The following NEGR1 variants were observed in gnomAD, a reference collection of about 807,000 sequenced individuals.
NEGR1 encodes IgLON family member 4.
A neutral mutation model predicts 40.9 loss-of-function variants in NEGR1; 10 were observed. The observed-to-expected ratio is 0.24, with a 90% CI of 0.15 to 0.42. The LOEUF is 0.42. NEGR1 is among the 10% of genes least tolerant of loss of function. The pLI is 1.00. For missense variants in NEGR1, 352 were observed against 438.9 expected (o/e 0.80, Z 1.77); for synonymous variants, 185 against 166.8 (o/e 1.11, Z -0.84).
chr1:71,735,596 A>G (rs959048307), intron 3 of NEGR1, among the ~76,000 whole-genome samples: 1 of 152,066 alleles, frequency 6.6e-6, no homozygotes, highest in Non-Finnish European at 1.5e-5. Context: ...GCAAGATTCT[A>G]GTAGCTATGA....
At chr1:72,075,590 C>T (rs112604044) in intron 1 of NEGR1, among the ~76,000 whole-genome samples, 3,636 of 152,246 alleles carry the variant, frequency 0.024, 76 homozygotes, top group Non-Finnish European at 0.04. Flanking sequence ...TAATTTTCAT[C>T]CAAGTTTTTA....
chr1:71,593,083 G>T, intron 5 of NEGR1, 115 bp from the exon 6 acceptor site: 1 of 625,840 alleles, frequency 1.6e-6, no homozygotes, highest in Admixed American at 2.7e-5. Context: ...GCTGACGTTA[G>T]CATATAACGT....
chr1:72,072,673 T>C (rs543749967), intron 1 of NEGR1, among the ~76,000 whole-genome samples: 1 of 152,266 alleles, frequency 6.6e-6, no homozygotes, highest in South Asian at 2.1e-4. Flanking sequence ...ATCTGGGCTC[T>C]CTGTGTAACA....
At chr1:72,123,647 C>A (rs1271562104) in intron 1 of NEGR1, among the ~76,000 whole-genome samples, 1 of 151,706 alleles carries the variant, frequency 6.6e-6, no homozygotes, top group Non-Finnish European at 1.5e-5. Flanking sequence ...GAGGACATGT[C>A]ATAGGTAAAG....
chr1:71,927,781 T>G lies in NEGR1; in HGVS notation c.409+7298A>C, dbSNP rs531326588. 7.1e-5 allele frequency among the ~76,000 whole-genome samples: 9 copies of G among 127,292 alleles called. No homozygotes were observed. The East Asian group carries it at 2.1e-3, about 30-fold the overall frequency. The allele number at this position is 127,292 out of a possible 152,430, so 83.5% of individuals were successfully genotyped here. On this transcript the variant is annotated intron_variant, in intron 2 of 6. Coordinates refer to ENST00000357731, the MANE Select transcript of NEGR1 (RefSeq NM_173808.3). ...GGTAGATCGCCTGAGCCCAGGCGTT[T>G]GAGACCAGCATGGGCAACATGGCAA...
At chr1:71,549,965 G>C (rs1257859714) in intron 6 of NEGR1, among the ~76,000 whole-genome samples, 1 of 151,614 alleles carries the variant, frequency 6.6e-6, no homozygotes, top group East Asian at 2.0e-4. Context: ...CCAGGATCTG[G>C]AGTGCACACT....
chr1:72,113,386 T>C (rs1374228750), intron 1 of NEGR1, among the ~76,000 whole-genome samples: 1 of 151,604 alleles, frequency 6.6e-6, no homozygotes, highest in Non-Finnish European at 1.5e-5. Flanking sequence ...GATTGTATTA[T>C]AGCTGTTATC....
chr1:72,220,648 T>C (rs1301410378), intron 1 of NEGR1, among the ~76,000 whole-genome samples: 1 of 146,738 alleles, frequency 6.8e-6, no homozygotes, highest in African/African-American at 2.4e-5. Flanking sequence ...TTCAAATTTT[T>C]CAACATTCCT....
chr1:71,792,720 T>C (rs1657161876), intron 2 of NEGR1, among the ~76,000 whole-genome samples: 1 of 152,120 alleles, frequency 6.6e-6, no homozygotes, highest in South Asian at 2.1e-4. Flanking sequence ...GATTTTAATA[T>C]CAAACTGTTT....
rs539610250 is a variant in NEGR1 at position 71,947,554 on chromosome 1, A to C, written c.177-12243T>G. Among the ~76,000 whole-genome samples the C allele has an allele frequency of 2.0e-5, 3 of 152,326 alleles. No homozygotes were observed. In the South Asian group the frequency reaches 6.2e-4, roughly 32 times the overall value. Reference sequence around the variant, plus strand: ...TAGATGTATAGAAAGCAAGTTGTAAACCACCTCTATTGCAAAAGAATTTAG... The same window carrying C: ...TAGATGTATAGAAAGCAAGTTGTAACCCACCTCTATTGCAAAAGAATTTAG... On this transcript the variant is annotated intron_variant, in intron 1 of 6. Coordinates refer to ENST00000357731, the MANE Select transcript of NEGR1 (RefSeq NM_173808.3).
At chr1:71,657,685 G>A (rs77793797) in intron 4 of NEGR1, among the ~76,000 whole-genome samples, 4,326 of 152,148 alleles carry the variant, frequency 0.028, 165 homozygotes, top group African/African-American at 0.09. Flanking sequence ...GGCTGGGGAC[G>A]CTAGCCATGA....
At chr1:72,194,249 G>T (rs1652922884) in intron 1 of NEGR1, among the ~76,000 whole-genome samples, 1 of 151,780 alleles carries the variant, frequency 6.6e-6, no homozygotes, top group South Asian at 2.1e-4. Flanking sequence ...CTCTCAGAAT[G>T]ATAAAGGGAA....
chr1:71,996,104 G>T (rs1407067627), intron 1 of NEGR1, among the ~76,000 whole-genome samples: 1 of 152,072 alleles, frequency 6.6e-6, no homozygotes. Context: ...AGTATTTTCT[G>T]TGTAGCCCCT....
chr1:71,414,634 A>G (rs923414182), intron 6 of NEGR1, among the ~76,000 whole-genome samples: 1 of 152,114 alleles, frequency 6.6e-6, no homozygotes, highest in African/African-American at 2.4e-5. Context: ...CTCATGTACC[A>G]CCTCACATCT....
At chr1:71,590,638 C>T (rs1055118812) in intron 6 of NEGR1, among the ~76,000 whole-genome samples, 4 of 152,024 alleles carry the variant, frequency 2.6e-5, no homozygotes, top group African/African-American at 9.7e-5. Flanking sequence ...TCTAAGTTTC[C>T]TTTTCTAGAA....
At chr1:71,887,695 T>G (rs1300216883) in intron 2 of NEGR1, among the ~76,000 whole-genome samples, 2 of 152,140 alleles carry the variant, frequency 1.3e-5, no homozygotes, top group Non-Finnish European at 2.9e-5. Context: ...ATATTATTGT[T>G]AACTGAAGCC....
intron 6 of NEGR1, among the ~76,000 whole-genome samples, chr1:71,412,410 C>G (rs1646329121): frequency 6.6e-6 from 1 of 152,144 alleles, no homozygotes; most frequent in Admixed American, 6.5e-5. Context: ...TTATACCTGA[C>G]TTCAGAAATG....
At chr1:71,762,954 T>A (rs1171346710) in intron 3 of NEGR1, among the ~76,000 whole-genome samples, 1 of 151,462 alleles carries the variant, frequency 6.6e-6, no homozygotes, top group African/African-American at 2.4e-5. Context: ...GAAAAAGTTC[T>A]GAACATAGAA....
chr1:71,626,144 T>C (rs1650766736), intron 4 of NEGR1, among the ~76,000 whole-genome samples: 2 of 151,956 alleles, frequency 1.3e-5, no homozygotes, highest in Non-Finnish European at 1.5e-5. Context: ...ACCACTCTGG[T>C]ACCAAGAGGT....
Sources: gnomAD v4.1 joint callset for allele counts (sites outside exome capture counted in the v4.1 genomes callset) on GRCh38, gnomAD v4.1.1 for gene constraint, MANE v1.5 for transcripts, NCBI Gene and HGNC (gene_info 2026-07-23, HGNC 2026-07-21) for gene names.